The following CHP1 variants were observed in gnomAD, a reference collection of about 807,000 sequenced individuals.
CHP1 encodes calcineurin like EF-hand protein 1.
Under a neutral mutation model 27.4 loss-of-function variants are expected in CHP1, and 11 were observed. The observed-to-expected ratio is 0.40, with a 90% CI of 0.25 to 0.67. The LOEUF is 0.67. CHP1 is among the 30% of genes least tolerant of loss of function. The pLI, the probability that CHP1 is intolerant of heterozygous loss-of-function variation, is 0.38. For missense variants in CHP1, 169 were observed against 251.3 expected (o/e 0.67, Z 2.22); for synonymous variants, 89 against 87.4 (o/e 1.02, Z -0.10).
Position 41,264,962 on chromosome 15 carries a change from C to T in CHP1, c.349+2079C>T, listed in dbSNP as rs16952338. Among the ~76,000 whole-genome samples, 900 of 152,298 alleles carry T rather than the reference C, an allele frequency of 5.9e-3. 25 individuals carry two copies. The East Asian group carries it at 0.07, about 12-fold the overall frequency. On this transcript the variant is annotated intron_variant, in intron 4 of 6. Transcript: ENST00000334660. ...GTGTTGCTTCTCTTTGAAGTTCCCA[C>T]AGGGCTGTATAAGCTGTAGCATGGT...
At chr15:41,245,107 T>A (rs2047327474) in intron 2 of CHP1, among the ~76,000 whole-genome samples, 1 of 152,170 alleles carries the variant, frequency 6.6e-6, no homozygotes, top group Admixed American at 6.5e-5. Context: ...CAACCATAAA[T>A]CTACCTTCTT....
chr15:41,279,250 AAG>A, intron 6 of CHP1, 84 bp from the exon 7 acceptor site: 1 of 1,090,466 alleles, frequency 9.2e-7, no homozygotes, highest in Non-Finnish European at 1.4e-6. Flanking sequence ...GCACAGGAGG[AAG>A]GGGGGAAAAC....
At chr15:41,245,316 C>T (rs1160107128) in intron 2 of CHP1, among the ~76,000 whole-genome samples, 1 of 152,026 alleles carries the variant, frequency 6.6e-6, no homozygotes, top group Non-Finnish European at 1.5e-5. Flanking sequence ...CAAAAATTAG[C>T]GTGGCGTGGT....
intron 1 of CHP1, among the ~76,000 whole-genome samples, chr15:41,239,518 C>G (rs796889364): frequency 1.3e-5 from 2 of 151,886 alleles, no homozygotes; most frequent in African/African-American, 4.8e-5. Context: ...ATTCTCCTGC[C>G]TCAGCCTCCC....
At position 41,280,842 on chromosome 15, in the gene CHP1, A is replaced by C. The variant is rs529116261; in HGVS notation, c.*1453A>C. 3.4e-4 allele frequency: 51 copies of C among 150,428 alleles called. No homozygotes were observed. Among genetic ancestry groups the C allele is most frequent in the African/African-American group, 1.1e-3 (46 of 40,776 alleles). 9.3% of individuals were successfully genotyped at this position (150,428 alleles called of 1,614,324 possible). A position where few individuals can be genotyped will look rare whatever the true frequency, so the allele number is the denominator to read the frequency against. On this transcript the variant is annotated 3_prime_UTR_variant, in exon 7 of 7. Coordinates refer to ENST00000334660, the MANE Select transcript of CHP1 (RefSeq NM_007236.5). ...CAAAATATTTAAAGATTGTTTCCTT[A>C]GTGTCTTGAAGTTTTGCACAAAATT...
In CHP1 at chr15:41,277,422, T is replaced by C. The variant is rs533977263; in HGVS notation, c.412-1345T>C. Among the ~76,000 whole-genome samples the C allele has an allele frequency of 3.9e-5, 6 of 152,254 alleles. No homozygotes were observed. The South Asian group carries it at 1.0e-3, about 26-fold the overall frequency. Reference sequence around the variant, plus strand: ...ACTTTGGGAGGTGGCAGAGGGAGAATTGCTTGAGCCCAGGAGTTGAAGGCC... The same window carrying C: ...ACTTTGGGAGGTGGCAGAGGGAGAACTGCTTGAGCCCAGGAGTTGAAGGCC... On this transcript the variant is annotated intron_variant, in intron 5 of 6. Transcript: ENST00000334660.
rs371389045 is a variant in CHP1, at chr15:41,257,560, CGTTT to C, written c.221+583_221+586del. Among the ~76,000 whole-genome samples the C allele has an allele frequency of 5.0e-3, 752 of 149,930 alleles. 9 individuals carry two copies. Among genetic ancestry groups the C allele is most frequent in the African/African-American group, 0.017 (712 of 40,988 alleles). ...TTAAAAATAACTGAGATCCTTTTTT[CGTTT>C]GTTTGTTTGTTTTAAGACAGAGTCT... On this transcript the variant is annotated intron_variant, in intron 3 of 6. Transcript: ENST00000334660.
intron 1 of CHP1, among the ~76,000 whole-genome samples, chr15:41,234,569 C>T (rs1370831610): frequency 6.6e-6 from 1 of 152,102 alleles, no homozygotes; most frequent in African/African-American, 2.4e-5. Flanking sequence ...ATTAGAATTT[C>T]TACATGACTA....
intron 1 of CHP1, 26 bp from the exon 2 acceptor site, chr15:41,243,641 G>A: frequency 6.2e-7 from 1 of 1,610,192 alleles, no homozygotes; most frequent in Non-Finnish European, 8.5e-7. Flanking sequence ...CTTCCCCCGA[G>A]CTGGGACTAA....
At chr15:41,232,773 G>A (rs979374367) in intron 1 of CHP1, among the ~76,000 whole-genome samples, 1 of 152,120 alleles carries the variant, frequency 6.6e-6, no homozygotes, top group Admixed American at 6.5e-5. Flanking sequence ...GACATGACCA[G>A]TAACTCACTC....
rs962488716 is a variant in CHP1 at position 41,281,854 on chromosome 15, G to A, written c.*2465G>A. On this transcript the variant is annotated 3_prime_UTR_variant, in exon 7 of 7. Transcript: ENST00000334660. ...ATTGTTCCATTAAAATTGTATCTTC[G>A]ATCCATCAATAAATACTTGTGGTTG... 3.9e-5 allele frequency: 6 copies of A among 152,506 alleles called. No homozygotes were observed. Among genetic ancestry groups the A allele is most frequent in the African/African-American group, 9.6e-5 (4 of 41,482 alleles). The allele number at this position is 152,506 out of a possible 1,614,324, so 9.4% of individuals were successfully genotyped here.
chr15:41,257,634 A>G (rs1281282945), intron 3 of CHP1, among the ~76,000 whole-genome samples: 2 of 151,862 alleles, frequency 1.3e-5, no homozygotes, highest in African/African-American at 4.8e-5. Context: ...ATCTCGGCTC[A>G]CTGCAACCTC....
chr15:41,243,769 C>T (rs773537287), intron 2 of CHP1, 30 bp downstream of exon 2: 1 of 1,588,046 alleles, frequency 6.3e-7, no homozygotes, highest in Non-Finnish European at 8.6e-7. Context: ...ATTTTCCTCA[C>T]AGAAACCAGA....
In CHP1 at chr15:41,262,891, G is replaced by A. The variant is rs2047440729; in HGVS notation, c.349+8G>A. ...GAAGCAACAAACTGCACTGTAAGGA[G>A]CTAAAGTCTTCTGGCTTAAAATACT... On this transcript the variant is annotated splice_region_variant and intron_variant, in intron 4 of 6. Transcript: ENST00000334660. The A allele has an allele frequency of 6.2e-7, 1 of 1,612,746 alleles. No homozygotes were observed.
chr15:41,235,898 C>G (rs963683628), intron 1 of CHP1, among the ~76,000 whole-genome samples: 3 of 152,180 alleles, frequency 2.0e-5, no homozygotes, highest in African/African-American at 4.8e-5. Context: ...CTTCTGCCTC[C>G]TATTGAAATG....
At chr15:41,267,678 A>G (rs1323104841) in intron 4 of CHP1, among the ~76,000 whole-genome samples, 1 of 151,904 alleles carries the variant, frequency 6.6e-6, no homozygotes, top group Non-Finnish European at 1.5e-5. Context: ...AGAAAAAAAA[A>G]AAAGAAGCAA....
chr15:41,272,317 A>G (rs2047493810), intron 5 of CHP1: 1 of 151,998 alleles, frequency 6.6e-6, no homozygotes, highest in South Asian at 2.1e-4. Flanking sequence ...CATTTTAAAT[A>G]TGTACAGCTT....
intron 5 of CHP1, among the ~76,000 whole-genome samples, chr15:41,277,402 G>C (rs2047524543): frequency 6.6e-6 from 1 of 152,210 alleles, no homozygotes; most frequent in African/African-American, 2.4e-5. Flanking sequence ...TCGGCACTTT[G>C]GGAGGTGGCA....
chr15:41,232,544 C>T (rs1432714257), intron 1 of CHP1, among the ~76,000 whole-genome samples: 2 of 151,830 alleles, frequency 1.3e-5, no homozygotes, highest in Non-Finnish European at 2.9e-5. Flanking sequence ...CCAGTCTCTT[C>T]CTCATTAGTC....
Sources: gnomAD v4.1 joint callset for allele counts (sites outside exome capture counted in the v4.1 genomes callset) on GRCh38, gnomAD v4.1.1 for gene constraint, MANE v1.5 for transcripts, NCBI Gene and HGNC (gene_info 2026-07-23, HGNC 2026-07-21) for gene names.